Variants in IGF2R observed in about 807,000 individuals in gnomAD.
IGF2R encodes the protein insulin like growth factor 2 receptor.
In IGF2R, 91 loss-of-function variants were observed where a neutral mutation model predicts 270.6. The ratio of observed to expected loss-of-function variants is 0.34; its 90% confidence interval spans 0.28 to 0.40. IGF2R has a LOEUF of 0.40. IGF2R is among the 10% of genes least tolerant of loss of function. IGF2R has a pLI of 1.00. For synonymous variants in IGF2R, 1,316 were observed against 1,258.9 expected, an observed-to-expected ratio of 1.05 and a Z score of -0.96; for missense variants, 2,805 against 3,188.3, an observed-to-expected ratio of 0.88 and a Z score of 2.90.
At chr6:160,000,359 C>T (rs1234330052) in intron 2 of IGF2R, among the ~76,000 whole-genome samples, 1 of 152,080 alleles carries the variant, frequency 6.6e-6, no homozygotes, top group African/African-American at 2.4e-5. Context: ...GGCGGTGCTA[C>T]ACACTTTCAA....
chr6:160,101,662 T>A (rs911129044), intron 45 of IGF2R, among the ~76,000 whole-genome samples: 1 of 152,226 alleles, frequency 6.6e-6, no homozygotes, highest in South Asian at 2.1e-4. Context: ...TCTGTTTATG[T>A]GATCCTGTTC....
chr6:160,096,499 C>G lies in IGF2R; in HGVS notation c.6716C>G (p.Ser2239Cys). 6.2e-7 allele frequency: 1 copy of G among 1,614,148 alleles called. No homozygotes were observed. The highest frequency in any genetic ancestry group is 1.1e-5 in the South Asian group (1 of 91,066). ...SSKCGKDKTK[S>C]VSSTIFFHCD... ...AAGTGCGGAAAGGATAAGACCAAGT[C>G]TGTTTCTTCCACCATCTTCTTCCAC... Residue 2239 changes from serine to cysteine, a missense_variant, in exon 45 of 48, where the codon TCT becomes TGT. Transcript: ENST00000356956.
At chr6:160,028,171 C>T (rs368238869) in intron 6 of IGF2R, among the ~76,000 whole-genome samples, 1 of 152,186 alleles carries the variant, frequency 6.6e-6, no homozygotes, top group African/African-American at 2.4e-5. Context: ...AAGGCGTCAC[C>T]GGGGCTGGTT....
At chr6:160,024,504 T>G in intron 4 of IGF2R, 68 bp from the exon 5 acceptor site, 1 of 1,469,748 alleles carries the variant, frequency 6.8e-7, no homozygotes. Flanking sequence ...TGTGTGACAT[T>G]GGTCATAAGC....
intron 13 of IGF2R, among the ~76,000 whole-genome samples, chr6:160,045,520 C>G (rs530650116): frequency 1.4e-4 from 22 of 152,310 alleles, no homozygotes; most frequent in African/African-American, 5.3e-4. Context: ...AACACGAGCT[C>G]TCCATTCCCT....
chr6:160,061,264 G>A (rs1459775958), intron 23 of IGF2R, among the ~76,000 whole-genome samples: 2 of 152,174 alleles, frequency 1.3e-5, no homozygotes, highest in African/African-American at 4.8e-5. Flanking sequence ...TCCTGCCTCA[G>A]CCTCCAAAGT....
intron 1 of IGF2R, among the ~76,000 whole-genome samples, chr6:159,990,461 G>A (rs1175658147): frequency 1.3e-5 from 2 of 152,128 alleles, no homozygotes; most frequent in African/African-American, 4.8e-5. Flanking sequence ...TTCCCCTTCT[G>A]TCACGATTGT....
intron 42 of IGF2R, among the ~76,000 whole-genome samples, chr6:160,088,356 C>G (rs1217954579): frequency 6.6e-6 from 1 of 152,236 alleles, no homozygotes; most frequent in Admixed American, 6.5e-5. Flanking sequence ...TGCAACTTCT[C>G]TGGGCTAGCT....
intron 10 of IGF2R, among the ~76,000 whole-genome samples, chr6:160,037,892 G>C (rs1332149176): frequency 6.6e-6 from 1 of 152,162 alleles, no homozygotes; most frequent in East Asian, 1.9e-4. Context: ...CAGGGGCTCT[G>C]CAGGATGGGA....
At chr6:160,081,599 G>A (rs920209812) in intron 39 of IGF2R, among the ~76,000 whole-genome samples, 10 of 152,210 alleles carry the variant, frequency 6.6e-5, no homozygotes, top group Non-Finnish European at 5.9e-5. Flanking sequence ...AAGCCTGGGG[G>A]CGCTGCAGGA....
intron 1 of IGF2R, among the ~76,000 whole-genome samples, chr6:159,980,230 A>AGAAAGAAAGGAAG (rs1783773790): frequency 1.6e-5 from 2 of 124,936 alleles, no homozygotes; most frequent in Non-Finnish European, 3.3e-5. Flanking sequence ...AAAGAAAGAA[A>AGAAAGAAAGGAAG]GAAAGAAAGG....
chr6:160,045,686 G>A, intron 13 of IGF2R, 59 bp from the exon 14 acceptor site: 1 of 1,597,696 alleles, frequency 6.3e-7, no homozygotes. Context: ...AGAAGAATGA[G>A]GTAAGATATT....
Position 160,079,573 on chromosome 6 carries a change from T to G in IGF2R, c.5479-7T>G. On this transcript the variant is annotated splice_polypyrimidine_tract_variant and splice_region_variant and intron_variant, in intron 37 of 47. Transcript: ENST00000356956. ...TCTGCTGACGGCCACGCATGGTTTT[T>G]GTCCAGGTGACTCGCGACTCGCGCA... The G allele has an allele frequency of 7.0e-7, 1 of 1,421,012 alleles. No individual in the cohort carries two copies. Among genetic ancestry groups the G allele is most frequent in the Non-Finnish European group, 9.3e-7 (1 of 1,080,968 alleles). 88.0% of individuals were successfully genotyped at this position (1,421,012 alleles called of 1,614,324 possible).
intron 1 of IGF2R, among the ~76,000 whole-genome samples, chr6:159,982,363 C>T (rs898909964): frequency 6.6e-6 from 1 of 151,288 alleles, no homozygotes; most frequent in African/African-American, 2.5e-5. Flanking sequence ...TTCTTGAATA[C>T]TCTGTTAGAG....
Position 160,060,622 on chromosome 6 carries a change from A to G in IGF2R, c.3167A>G (p.Gln1056Arg). ...VYSGPLKFLH[Q>R]DIDSGQGIRN... The stretch of plus-strand genomic sequence containing the variant: ...TCAGGGCCCCTCAAATTCCTGCATC[A>G]AGATATCGACTCTGGGCAAGGGATC... Residue 1056 changes from glutamine (Q) to arginine (R), a missense_variant, in exon 23 of 48, where the codon CAA (glutamine) becomes CGA (arginine). Around this residue, in one of 2 missense-constraint regions of IGF2R, gnomAD observed 1,851 missense variants for 2,207.2 expected, o/e 0.84. Transcript: ENST00000356956. 6.2e-7 allele frequency: 1 copy of G among 1,614,282 alleles called. No individual in the cohort carries two copies. Among genetic ancestry groups the G allele is most frequent in the Non-Finnish European group, 8.5e-7 (1 of 1,180,046 alleles).
At chr6:160,059,200 C>G in intron 22 of IGF2R, 102 bp downstream of exon 22, 1 of 950,138 alleles carries the variant, frequency 1.1e-6, no homozygotes, top group Non-Finnish European at 1.6e-6. Flanking sequence ...TCCCCCGCCA[C>G]CATGGGCTGT....
chr6:159,996,862 G>A (rs1013744747), intron 2 of IGF2R, among the ~76,000 whole-genome samples: 4 of 151,986 alleles, frequency 2.6e-5, no homozygotes, highest in African/African-American at 4.8e-5. Flanking sequence ...CCCACCTTTC[G>A]TGCAAGTCCT....
intron 1 of IGF2R, among the ~76,000 whole-genome samples, chr6:159,986,053 G>T (rs1783877983): frequency 6.6e-6 from 1 of 152,046 alleles, no homozygotes; most frequent in South Asian, 2.1e-4. Flanking sequence ...ATCCTGGGTT[G>T]TTTCCAGTGG....
intron 2 of IGF2R, chr6:160,007,223 T>A (rs921163928): frequency 3.3e-5 from 5 of 152,228 alleles, no homozygotes; most frequent in Non-Finnish European, 7.3e-5. Flanking sequence ...CATATGTGCA[T>A]GGTTTTCTCT....
Sources: gnomAD v4.1 joint callset for allele counts (sites outside exome capture counted in the v4.1 genomes callset) on GRCh38, gnomAD v4.1.1 for gene constraint, gnomAD v4.1.1 regional missense constraint, MANE v1.5 for transcripts, NCBI Gene and HGNC (gene_info 2026-07-23, HGNC 2026-07-21) for gene names.